EFCAB11: variants seen among roughly 807,000 people sequenced by gnomAD.
The protein encoded by EFCAB11 is EF-hand calcium binding domain 11, also known as EF-hand calcium-binding domain-containing protein 11.
Under a neutral mutation model 23.0 loss-of-function variants are expected in EFCAB11, and 14 were observed. The observed-to-expected ratio is 0.61, with a 90% CI of 0.40 to 0.95. The LOEUF (loss-of-function observed/expected upper bound fraction) is 0.95, where lower values mean the gene tolerates loss of function less well. Ranked by LOEUF, EFCAB11 falls within the 40% of genes least tolerant of loss-of-function variation. EFCAB11 has a pLI of 0.00. For missense variants in EFCAB11, 198 were observed against 195.8 expected (o/e 1.01, Z -0.07); for synonymous variants, 65 against 66.6 (o/e 0.98, Z 0.11).
chr14:89,885,414 C>T (rs1230138335), intron 5 of EFCAB11, among the ~76,000 whole-genome samples: 1 of 152,112 alleles, frequency 6.6e-6, no homozygotes, highest in African/African-American at 2.4e-5. Flanking sequence ...CGTGGTGGCT[C>T]AAGCCTGTAA....
At chr14:89,818,458 AAGGAAGGAGGG>A (rs1475395398) in intron 5 of EFCAB11, among the ~76,000 whole-genome samples, 3 of 151,910 alleles carry the variant, frequency 2.0e-5, no homozygotes, top group African/African-American at 7.3e-5. Flanking sequence ...AGAAGAAGGG[AAGGAAGGAGGG>A]AGGAAGGGAG....
At chr14:89,887,389 T>C (rs1359132015) in intron 5 of EFCAB11, among the ~76,000 whole-genome samples, 3 of 152,162 alleles carry the variant, frequency 2.0e-5, no homozygotes, top group Non-Finnish European at 4.4e-5. Flanking sequence ...AGTAATAAAT[T>C]AGACATAAGC....
Position 89,932,751 on chromosome 14 carries a change from A to C in EFCAB11, c.218-124T>G, listed in dbSNP as rs937052627. On this transcript the variant is annotated intron_variant, in intron 3 of 5. Coordinates refer to ENST00000316738, the MANE Select transcript of EFCAB11 (RefSeq NM_145231.4). ...AAATTTTATCTTAATTTTGGTGAACAGTATTTACTCAAGATCTGTGAAGTT... is the reference window on the plus strand; with the variant it reads ...AAATTTTATCTTAATTTTGGTGAACCGTATTTACTCAAGATCTGTGAAGTT... 3.8e-6 allele frequency: 3 copies of C among 795,008 alleles called. No individual in the cohort carries two copies. The African/African-American group carries it at 5.2e-5, about 14-fold the overall frequency. 49.2% of individuals were successfully genotyped at this position (795,008 alleles called of 1,614,324 possible). A position where few individuals can be genotyped will look rare whatever the true frequency, so the allele number is the denominator to read the frequency against.
chr14:89,827,122 G>A (rs1396451667), intron 5 of EFCAB11, among the ~76,000 whole-genome samples: 1 of 152,112 alleles, frequency 6.6e-6, no homozygotes, highest in Admixed American at 6.6e-5. Flanking sequence ...GGCAAAAGAG[G>A]AATTCTGCAA....
chr14:89,914,384 G>A (rs752968879), intron 5 of EFCAB11, among the ~76,000 whole-genome samples: 1 of 152,136 alleles, frequency 6.6e-6, no homozygotes, highest in African/African-American at 2.4e-5. Flanking sequence ...CAGCACATCC[G>A]TTATCTCAGG....
chr14:89,896,210 C>T (rs1434188616), intron 5 of EFCAB11, among the ~76,000 whole-genome samples: 1 of 152,124 alleles, frequency 6.6e-6, no homozygotes, highest in East Asian at 1.9e-4. Flanking sequence ...TGGTGAAACC[C>T]CGTCTCTACT....
intron 5 of EFCAB11, among the ~76,000 whole-genome samples, chr14:89,921,590 G>T (rs1428508102): frequency 6.6e-6 from 1 of 152,182 alleles, no homozygotes; most frequent in Non-Finnish European, 1.5e-5. Context: ...GATGCCACTG[G>T]TCTTTGGAGA....
intron 5 of EFCAB11, among the ~76,000 whole-genome samples, chr14:89,901,803 C>T (rs1322144578): frequency 1.3e-5 from 2 of 152,058 alleles, no homozygotes; most frequent in Non-Finnish European, 2.9e-5. Context: ...TATCCTTAAT[C>T]CAGAATCTGA....
chr14:89,804,338 C>T (rs959471598), intron 5 of EFCAB11, among the ~76,000 whole-genome samples: 1 of 152,222 alleles, frequency 6.6e-6, no homozygotes, highest in Non-Finnish European at 1.5e-5. Flanking sequence ...AAAGCCTGTG[C>T]ACGAATTATT....
intron 5 of EFCAB11, among the ~76,000 whole-genome samples, chr14:89,906,847 C>T (rs960556196): frequency 3.3e-5 from 5 of 152,150 alleles, no homozygotes; most frequent in East Asian, 3.8e-4. Context: ...TTATCATGCA[C>T]ATAGTAGGTG....
chr14:89,860,283 G>T (rs1042577653), intron 5 of EFCAB11, among the ~76,000 whole-genome samples: 1 of 152,138 alleles, frequency 6.6e-6, no homozygotes, highest in African/African-American at 2.4e-5. Context: ...AGAATCGCTT[G>T]AACCCAGGAG....
intron 5 of EFCAB11, among the ~76,000 whole-genome samples, chr14:89,839,773 T>C (rs560516301): frequency 6.8e-6 from 1 of 146,286 alleles, no homozygotes; most frequent in South Asian, 2.3e-4. Flanking sequence ...AGCCAGAACT[T>C]CACATGGCTG....
At position 89,808,517 on chromosome 14, in the gene EFCAB11, G is replaced by T. The variant is rs538384287; in HGVS notation, c.411-11193C>A. 2.6e-5 allele frequency among the ~76,000 whole-genome samples: 4 copies of T among 152,166 alleles called. No individual in the cohort carries two copies. The East Asian group carries it at 7.7e-4, about 29-fold the overall frequency. On this transcript the variant is annotated intron_variant, in intron 5 of 5. Coordinates refer to ENST00000316738, the MANE Select transcript of EFCAB11 (RefSeq NM_145231.4). ...TTCAATAATCCATTTGGGAAAATAAGATTTTACATCTCAGCCCATTTCTCA... is the reference window on the plus strand; with the variant it reads ...TTCAATAATCCATTTGGGAAAATAATATTTTACATCTCAGCCCATTTCTCA...
intron 5 of EFCAB11, among the ~76,000 whole-genome samples, chr14:89,875,472 G>T (rs1158818048): frequency 6.6e-6 from 1 of 152,122 alleles, no homozygotes; most frequent in Non-Finnish European, 1.5e-5. Context: ...GGTCAAGAAT[G>T]TTGAGGTGGA....
intron 5 of EFCAB11, among the ~76,000 whole-genome samples, chr14:89,842,792 CT>C (rs1887314221): frequency 6.6e-6 from 1 of 152,082 alleles, no homozygotes; most frequent in South Asian, 2.1e-4. Flanking sequence ...TTACCCTGTG[CT>C]CAAGCTACAC....
chr14:89,927,970 G>A (rs981999739), intron 5 of EFCAB11, among the ~76,000 whole-genome samples: 3 of 152,256 alleles, frequency 2.0e-5, no homozygotes, highest in South Asian at 2.1e-4. Flanking sequence ...TGATCCGCCC[G>A]CCTCGGCCTC....
intron 5 of EFCAB11, among the ~76,000 whole-genome samples, chr14:89,811,549 G>A (rs902080228): frequency 1.3e-4 from 20 of 152,262 alleles, no homozygotes; most frequent in African/African-American, 4.8e-4. Flanking sequence ...TGGGGCCAAT[G>A]TAATCTTAGG....
intron 5 of EFCAB11, among the ~76,000 whole-genome samples, chr14:89,819,510 C>T (rs1166921286): frequency 5.9e-5 from 9 of 152,064 alleles, no homozygotes; most frequent in Admixed American, 5.2e-4. Flanking sequence ...GCCTAAAACT[C>T]CTGGGTTCAA....
At chr14:89,929,764 A>G (rs1175820695) in intron 5 of EFCAB11, among the ~76,000 whole-genome samples, 1 of 152,210 alleles carries the variant, frequency 6.6e-6, no homozygotes, top group Admixed American at 6.5e-5. Context: ...ATAAAATAAC[A>G]TTTTCAAACA....
Sources: gnomAD v4.1 joint callset for allele counts (sites outside exome capture counted in the v4.1 genomes callset) on GRCh38, gnomAD v4.1.1 for gene constraint, MANE v1.5 for transcripts, NCBI Gene and HGNC (gene_info 2026-07-23, HGNC 2026-07-21) for gene names.